The following STK39 variants were observed in gnomAD, a reference collection of about 807,000 sequenced individuals.
STK39 encodes the protein STE20/SPS1-related proline-alanine-rich protein kinase.
STK39 carries 20 observed loss-of-function variants against 77.8 expected under a neutral mutation model. That is an observed-to-expected ratio of 0.26 (90% CI 0.18 to 0.37). The LOEUF (loss-of-function observed/expected upper bound fraction) is 0.37, where lower values mean the gene tolerates loss of function less well. Among genes scored for constraint, STK39 ranks in the 10% least tolerant of loss-of-function variants. The pLI is 1.00. For missense variants in STK39, 479 were observed against 656.5 expected (o/e 0.73, Z 2.95); for synonymous variants, 246 against 234.1 (o/e 1.05, Z -0.47).
chr2:168,040,587 A>C (rs1685077613), intron 14 of STK39, among the ~76,000 whole-genome samples: 1 of 152,236 alleles, frequency 6.6e-6, no homozygotes, highest in African/African-American at 2.4e-5. Context: ...AAAACATGAA[A>C]TCCTTCCCAA....
intron 16 of STK39, among the ~76,000 whole-genome samples, chr2:167,990,561 TA>T (rs1683675428): frequency 1.3e-5 from 2 of 152,330 alleles, no homozygotes; most frequent in South Asian, 4.1e-4. Context: ...TTCTGAGACA[TA>T]ACTCTAGAAG....
At chr2:168,082,967 C>A (rs1333267818) in intron 10 of STK39, among the ~76,000 whole-genome samples, 2 of 152,142 alleles carry the variant, frequency 1.3e-5, no homozygotes, top group Non-Finnish European at 2.9e-5. Flanking sequence ...TATAATGCTC[C>A]TAACATGATG....
chr2:168,193,858 A>C (rs1399090165), intron 1 of STK39, among the ~76,000 whole-genome samples: 1 of 152,218 alleles, frequency 6.6e-6, no homozygotes, highest in Non-Finnish European at 1.5e-5. Context: ...CCACATTTTC[A>C]GTTGCTACCA....
chr2:167,958,571 C>T (rs1475752760), intron 17 of STK39, among the ~76,000 whole-genome samples: 1 of 152,172 alleles, frequency 6.6e-6, no homozygotes, highest in Non-Finnish European at 1.5e-5. Context: ...GCTGGATTCT[C>T]ATACCTACTT....
At chr2:168,061,083 C>T (rs1388688937) in intron 14 of STK39, among the ~76,000 whole-genome samples, 1 of 152,058 alleles carries the variant, frequency 6.6e-6, no homozygotes, top group Admixed American at 6.5e-5. Context: ...TAAATTTTAT[C>T]TAGAGTTGCA....
chr2:168,203,436 AAAAAG>A (rs1354434513), intron 1 of STK39, among the ~76,000 whole-genome samples: 3 of 151,984 alleles, frequency 2.0e-5, no homozygotes, highest in African/African-American at 7.3e-5. Flanking sequence ...GGAAAAGAAA[AAAAAG>A]AAAAGATGAA....
intron 1 of STK39, among the ~76,000 whole-genome samples, chr2:168,237,515 C>T (rs1690651730): frequency 6.6e-6 from 1 of 152,188 alleles, no homozygotes. Context: ...GCATCCCTGT[C>T]TTGTGCCAGT....
At position 167,983,171 on chromosome 2, in the gene STK39, T is replaced by C. The variant is rs1249490899; in HGVS notation, c.1499-18445A>G. On this transcript the variant is annotated intron_variant, in intron 16 of 17. Transcript: ENST00000355999. ...TCTCATTATGGTTAGAAGAATGTAC[T>C]TCATAGCATAGAAATTGTAGGAAAT... 2.0e-5 allele frequency among the ~76,000 whole-genome samples: 3 copies of C among 152,140 alleles called. No individual in the cohort carries two copies. The East Asian group carries it at 5.8e-4, about 29-fold the overall frequency.
intron 10 of STK39, among the ~76,000 whole-genome samples, chr2:168,117,346 A>G (rs971863876): frequency 1.3e-5 from 2 of 152,214 alleles, no homozygotes; most frequent in African/African-American, 4.8e-5. Context: ...CATGAAGACG[A>G]TCCTCATCAC....
chr2:168,102,743 C>T (rs1428500627), intron 10 of STK39, among the ~76,000 whole-genome samples: 2 of 151,934 alleles, frequency 1.3e-5, no homozygotes, highest in African/African-American at 2.4e-5. Flanking sequence ...TCCTGGCTAA[C>T]ACGGTGAAAC....
intron 16 of STK39, among the ~76,000 whole-genome samples, chr2:167,998,732 C>T (rs1487873606): frequency 6.6e-6 from 1 of 152,128 alleles, no homozygotes; most frequent in Admixed American, 6.5e-5. Context: ...CTCCTGGCCC[C>T]CAAACATTAA....
chr2:168,035,191 G>A (rs891246625), intron 14 of STK39, among the ~76,000 whole-genome samples: 1 of 152,120 alleles, frequency 6.6e-6, no homozygotes, highest in Non-Finnish European at 1.5e-5. Context: ...TTTAAAAGAT[G>A]GAAATAAGGA....
chr2:168,151,464 C>T (rs1427886022), intron 5 of STK39, among the ~76,000 whole-genome samples: 1 of 152,072 alleles, frequency 6.6e-6, no homozygotes, highest in Admixed American at 6.6e-5. Context: ...AGGCCAGGGA[C>T]GGTGGCTCAC....
chr2:168,068,508 C>G (rs1685854340), intron 12 of STK39, among the ~76,000 whole-genome samples: 1 of 152,136 alleles, frequency 6.6e-6, no homozygotes, highest in African/African-American at 2.4e-5. Flanking sequence ...AGTCACATGG[C>G]AGCGCTGGTT....
chr2:168,123,922 T>C (rs1687474653), intron 10 of STK39, among the ~76,000 whole-genome samples: 1 of 151,148 alleles, frequency 6.6e-6, no homozygotes, highest in Admixed American at 6.6e-5. Flanking sequence ...TTCTCAACAC[T>C]TGTAAGTATT....
At chr2:168,142,077 TA>T (rs1425093813) in intron 5 of STK39, among the ~76,000 whole-genome samples, 1 of 152,230 alleles carries the variant, frequency 6.6e-6, no homozygotes, top group Non-Finnish European at 1.5e-5. Context: ...TATATATGTT[TA>T]AACTGCTAAA....
chr2:168,218,838 T>C (rs1331546521), intron 1 of STK39, among the ~76,000 whole-genome samples: 1 of 152,242 alleles, frequency 6.6e-6, no homozygotes, highest in African/African-American at 2.4e-5. Context: ...CAGAAGTTCA[T>C]GCATCCATTC....
chr2:168,193,647 A>G (rs1351582808), intron 1 of STK39, among the ~76,000 whole-genome samples: 2 of 152,272 alleles, frequency 1.3e-5, no homozygotes, highest in Admixed American at 1.3e-4. Context: ...CTGGCAGGAC[A>G]TCAGGAGAAT....
chr2:167,989,590 G>A (rs1683646702), intron 16 of STK39, among the ~76,000 whole-genome samples: 3 of 152,124 alleles, frequency 2.0e-5, no homozygotes, highest in African/African-American at 7.2e-5. Flanking sequence ...AGAGTTAGCA[G>A]GGCCAAGCTG....
Sources: allele counts gnomAD v4.1 joint callset (sites outside exome capture counted in the v4.1 genomes callset), GRCh38; gene constraint gnomAD v4.1.1; transcripts MANE v1.5; gene names NCBI Gene and HGNC (gene_info 2026-07-23, HGNC 2026-07-21).